UNC5D: variants seen among roughly 807,000 people sequenced by gnomAD.
UNC5D encodes the protein unc-5 netrin receptor D.
Under a neutral mutation model 105.4 loss-of-function variants are expected in UNC5D, and 39 were observed. The ratio of observed to expected loss-of-function variants is 0.37; its 90% confidence interval spans 0.29 to 0.48. The LOEUF is 0.48. Ranked by LOEUF, UNC5D falls within the 20% of genes least tolerant of loss-of-function variation. The pLI, the probability that UNC5D is intolerant of heterozygous loss-of-function variation, is 0.98. For synonymous variants in UNC5D, 452 were observed against 450.4 expected (o/e 1.00, Z -0.04); for missense variants, 991 against 1,202.4 (o/e 0.82, Z 2.60).
At chr8:35,381,392 G>A (rs557488303) in intron 1 of UNC5D, among the ~76,000 whole-genome samples, 1 of 152,228 alleles carries the variant, frequency 6.6e-6, no homozygotes, top group East Asian at 1.9e-4. Flanking sequence ...CTGGAGAGGA[G>A]TTGGGCCGGC....
At chr8:35,279,242 G>T (rs189029677) in intron 1 of UNC5D, among the ~76,000 whole-genome samples, 2 of 152,248 alleles carry the variant, frequency 1.3e-5, no homozygotes, top group African/African-American at 2.4e-5. Context: ...GTTGAGTTAA[G>T]GCATCCTTCC....
At chr8:35,630,123 T>C (rs529289394) in intron 4 of UNC5D, among the ~76,000 whole-genome samples, 2 of 152,260 alleles carry the variant, frequency 1.3e-5, no homozygotes, top group African/African-American at 4.8e-5. Flanking sequence ...ATGAAATAAG[T>C]TCAATAAATT....
intron 1 of UNC5D, among the ~76,000 whole-genome samples, chr8:35,444,273 C>T (rs1355584791): frequency 1.3e-5 from 2 of 152,030 alleles, no homozygotes; most frequent in Admixed American, 6.6e-5. Context: ...TCTTACTGAA[C>T]CGAGTGATAA....
chr8:35,731,985 G>C (rs1182058660), intron 11 of UNC5D, among the ~76,000 whole-genome samples: 1 of 152,134 alleles, frequency 6.6e-6, no homozygotes, highest in Non-Finnish European at 1.5e-5. Flanking sequence ...CTTAGTGCAA[G>C]TATAATATTT....
At chr8:35,351,816 G>A (rs1812259374) in intron 1 of UNC5D, among the ~76,000 whole-genome samples, 1 of 152,016 alleles carries the variant, frequency 6.6e-6, no homozygotes, top group African/African-American at 2.4e-5. Flanking sequence ...AAAATATGAA[G>A]GTAATATTTT....
At chr8:35,387,425 G>A (rs566856956) in intron 1 of UNC5D, among the ~76,000 whole-genome samples, 2 of 150,610 alleles carry the variant, frequency 1.3e-5, no homozygotes, top group Non-Finnish European at 2.9e-5. Flanking sequence ...GCATTCCCAA[G>A]TATGAGAACC....
At chr8:35,492,646 A>G (rs1585970428) in intron 1 of UNC5D, among the ~76,000 whole-genome samples, 1 of 152,182 alleles carries the variant, frequency 6.6e-6, no homozygotes, top group East Asian at 1.9e-4. Flanking sequence ...AAAATATGAG[A>G]CTCAAAGAAG....
At chr8:35,336,555 A>G (rs1400605091) in intron 1 of UNC5D, among the ~76,000 whole-genome samples, 1 of 152,130 alleles carries the variant, frequency 6.6e-6, no homozygotes, top group Non-Finnish European at 1.5e-5. Context: ...TTTGGTCTGA[A>G]TACTGAACCA....
intron 7 of UNC5D, among the ~76,000 whole-genome samples, chr8:35,690,616 C>T (rs1402073483): frequency 6.6e-6 from 1 of 152,146 alleles, no homozygotes; most frequent in East Asian, 1.9e-4. Flanking sequence ...GAGATCCTGT[C>T]TCAAAGAATA....
intron 1 of UNC5D, among the ~76,000 whole-genome samples, chr8:35,501,592 AATAAGTCAGAAAGCCTCCAAAGTT>A (rs1163766671): frequency 2.0e-5 from 3 of 152,248 alleles, no homozygotes; most frequent in Non-Finnish European, 2.9e-5. Context: ...TTATAAAACA[AATAAGTCAGAAAGCCTCCAAAGTT>A]CTGAGTAGTT....
chr8:35,731,773 C>T (rs542866203), intron 11 of UNC5D, among the ~76,000 whole-genome samples: 109 of 152,216 alleles, frequency 7.2e-4, no homozygotes, highest in Non-Finnish European at 9.6e-4. Flanking sequence ...ATGATTGATT[C>T]GTGATCCTTT....
intron 4 of UNC5D, among the ~76,000 whole-genome samples, chr8:35,663,408 G>A (rs1824229161): frequency 6.6e-6 from 1 of 152,226 alleles, no homozygotes; most frequent in Non-Finnish European, 1.5e-5. Context: ...TGAACAGAGT[G>A]ACACCATTGA....
At chr8:35,669,582 G>A (rs571744056) in intron 4 of UNC5D, among the ~76,000 whole-genome samples, 167 of 152,006 alleles carry the variant, frequency 1.1e-3, no homozygotes, top group Non-Finnish European at 2.1e-3. Flanking sequence ...TCAAGCCACT[G>A]TAATTTCTCC....
At chr8:35,580,340 C>T (rs1298194976) in intron 3 of UNC5D, among the ~76,000 whole-genome samples, 2 of 151,922 alleles carry the variant, frequency 1.3e-5, no homozygotes, top group African/African-American at 4.8e-5. Flanking sequence ...AGACATCTGT[C>T]AGGAAGATAG....
At chr8:35,634,427 G>T (rs1358336180) in intron 4 of UNC5D, among the ~76,000 whole-genome samples, 1 of 152,288 alleles carries the variant, frequency 6.6e-6, no homozygotes, top group African/African-American at 2.4e-5. Flanking sequence ...CTACTAATGG[G>T]AGTGCTAAAA....
chr8:35,393,125 CTTTTTTTTTTTTT>C (rs34886215), intron 1 of UNC5D, among the ~76,000 whole-genome samples: 1 of 75,068 alleles, frequency 1.3e-5, no homozygotes, highest in Non-Finnish European at 2.6e-5. Flanking sequence ...CCTATTCCTA[CTTTTTTTTTTTTT>C]TTTTTTTTTT....
chr8:35,756,262 T>C (rs1490202423), intron 13 of UNC5D, among the ~76,000 whole-genome samples: 1 of 152,200 alleles, frequency 6.6e-6, no homozygotes, highest in Non-Finnish European at 1.5e-5. Flanking sequence ...TGCGCAGATT[T>C]AAGGAGTAAG....
chr8:35,324,349 A>G lies in UNC5D; in HGVS notation c.103+88462A>G, dbSNP rs184707020. On this transcript the variant is annotated intron_variant, in intron 1 of 16. Coordinates refer to ENST00000404895, the MANE Select transcript of UNC5D (RefSeq NM_080872.4). ...TCCTATGTGCCAAGTATCATGCAAG[A>G]CATTTGGAGACAAAAGGAGAAGTAA... 2.0e-3 allele frequency among the ~76,000 whole-genome samples: 301 copies of G among 152,070 alleles called. 1 individual carries two copies. Among genetic ancestry groups the G allele is most frequent in the African/African-American group, 7.0e-3 (292 of 41,472 alleles).
chr8:35,315,538 C>T (rs900810235), intron 1 of UNC5D, among the ~76,000 whole-genome samples: 2 of 152,144 alleles, frequency 1.3e-5, no homozygotes, highest in Admixed American at 1.3e-4. Context: ...AGCAAGAGGA[C>T]ACATCTCAGT....
Sources: allele counts gnomAD v4.1 joint callset (sites outside exome capture counted in the v4.1 genomes callset), GRCh38; gene constraint gnomAD v4.1.1; transcripts MANE v1.5; gene names NCBI Gene and HGNC (gene_info 2026-07-23, HGNC 2026-07-21).